Variants in SRC observed in about 807,000 individuals in gnomAD.
The protein encoded by SRC is SRC proto-oncogene, non-receptor tyrosine kinase, also known as proto-oncogene tyrosine-protein kinase Src.
In SRC, 13 loss-of-function variants were observed where a neutral mutation model predicts 62.9. That is an observed-to-expected ratio of 0.21 (90% CI 0.13 to 0.33). SRC has a LOEUF of 0.33. Among genes scored for constraint, SRC ranks in the 10% least tolerant of loss-of-function variants. SRC has a pLI of 1.00. For missense variants in SRC, 457 were observed against 737.3 expected (o/e 0.62, Z 4.40); for synonymous variants, 302 against 317.5 (o/e 0.95, Z 0.52).
Position 37,396,094 on chromosome 20 carries a change from G to T in SRC, c.554-68G>T. ...CTCCAATGTCAGGCAGGCACAGAAC[G>T]GTGTCCAGAGCAGCGGCCTGCGGGG... On this transcript the variant is annotated intron_variant, in intron 7 of 13. Coordinates refer to ENST00000373578, the MANE Select transcript of SRC (RefSeq NM_198291.3). The surrounding 1 kb of genome is among the most constrained non-coding windows in gnomAD (Gnocchi z 6.1). 1.9e-6 allele frequency: 3 copies of T among 1,572,282 alleles called. No homozygotes were observed. The highest frequency in any genetic ancestry group is 1.1e-5 in the South Asian group (1 of 86,978).
At chr20:37,393,770 C>T (rs2070591895) in intron 5 of SRC, 125 bp from the exon 6 acceptor site, 2 of 685,232 alleles carry the variant, frequency 2.9e-6, no homozygotes, top group Non-Finnish European at 2.5e-6. Flanking sequence ...ACGCTGGCCC[C>T]ACCACCTCCC....
Position 37,403,367 on chromosome 20 carries a change from G to A in SRC, c.1599G>A (p.Gly533=), listed in dbSNP as rs781038506. 3.7e-6 allele frequency: 6 copies of A among 1,602,982 alleles called. No homozygotes were observed. Among genetic ancestry groups the A allele is most frequent in the East Asian group, 2.2e-5 (1 of 44,596 alleles). ...FTSTEPQYQP[G]ENL is the part of the protein sequence containing the mutation. ...CCACCGAGCCCCAGTACCAGCCCGGGGAGAACCTCTAGGCACAGGCGGGCC... is the reference window on the plus strand; with the variant it reads ...CCACCGAGCCCCAGTACCAGCCCGGAGAGAACCTCTAGGCACAGGCGGGCC... Residue 533 remains glycine, a synonymous_variant, in exon 14 of 14, where the codon GGG becomes GGA. Transcript: ENST00000373578. The surrounding 1 kb of genome is among the most constrained non-coding windows in gnomAD (Gnocchi z 7.1).
At chr20:37,350,443 G>A (rs1049032755) in intron 1 of SRC, among the ~76,000 whole-genome samples, 4 of 152,212 alleles carry the variant, frequency 2.6e-5, no homozygotes, top group Admixed American at 6.5e-5. Context: ...TACCTGGTAA[G>A]GCTAACAAGA....
rs575291811 is a variant in SRC, at chr20:37,396,074, A to G, written c.554-88A>G. 56 of 1,534,112 alleles carry G rather than the reference A, an allele frequency of 3.7e-5. 1 individual carries two copies. In the South Asian group the frequency reaches 6.0e-4, roughly 16 times the overall value. ...CCCGCCTGGGCCTCCCTTCCCTCCAATGTCAGGCAGGCACAGAACGGTGTC... is the reference window on the plus strand; with the variant it reads ...CCCGCCTGGGCCTCCCTTCCCTCCAGTGTCAGGCAGGCACAGAACGGTGTC... On this transcript the variant is annotated intron_variant, in intron 7 of 13. Coordinates refer to ENST00000373578, the MANE Select transcript of SRC (RefSeq NM_198291.3). The surrounding 1 kb of genome is among the most constrained non-coding windows in gnomAD (Gnocchi z 6.1).
chr20:37,380,798 C>T (rs1227072470), intron 2 of SRC, among the ~76,000 whole-genome samples: 2 of 152,132 alleles, frequency 1.3e-5, no homozygotes, highest in Non-Finnish European at 2.9e-5. Flanking sequence ...AGGAAACGCA[C>T]CACCACACCC....
At chr20:37,393,715 G>T in intron 5 of SRC, 180 bp from the exon 6 acceptor site, 3 of 577,546 alleles carry the variant, frequency 5.2e-6, no homozygotes, top group Non-Finnish European at 6.2e-6. Flanking sequence ...CGCCAGGGAG[G>T]GGAGGAGTTC....
chr20:37,367,540 ATGT>A (rs1329647470), intron 2 of SRC, among the ~76,000 whole-genome samples: 8 of 150,048 alleles, frequency 5.3e-5, no homozygotes, highest in Non-Finnish European at 1.0e-4. Flanking sequence ...GGGTCTCACT[ATGT>A]TGCCCAGGCT....
rs1365573309 is a variant in SRC, at chr20:37,351,878, C to G, written c.-247+5623C>G. 6.6e-6 allele frequency among the ~76,000 whole-genome samples: 1 copy of G among 152,228 alleles called. No homozygotes were observed. Among genetic ancestry groups the G allele is most frequent in the East Asian group, 1.9e-4 (1 of 5,174 alleles). On this transcript the variant is annotated intron_variant, in intron 1 of 13. Coordinates refer to ENST00000373578, the MANE Select transcript of SRC (RefSeq NM_198291.3). This position sits in a 1 kb window ranked among gnomAD's most constrained non-coding sequence, Gnocchi z 4.4. ...CTGAGTAATTTGTGGGGATCTGATT[C>G]TTATTAAGTGTGTACCCAACGTGGC...
chr20:37,386,726 A>T (rs553883200), intron 5 of SRC, among the ~76,000 whole-genome samples: 80 of 150,864 alleles, frequency 5.3e-4, no homozygotes, highest in East Asian at 4.3e-3. Flanking sequence ...CTACTCACTC[A>T]CCCTCCCATT....
chr20:37,392,893 C>A (rs1423991087), intron 5 of SRC, among the ~76,000 whole-genome samples: 1 of 152,138 alleles, frequency 6.6e-6, no homozygotes, highest in East Asian at 1.9e-4. Context: ...TGCCACTCTC[C>A]GCCTCTCACC....
intron 1 of SRC, among the ~76,000 whole-genome samples, chr20:37,346,787 T>C (rs2069729535): frequency 6.6e-6 from 1 of 152,172 alleles, no homozygotes; most frequent in African/African-American, 2.4e-5. Flanking sequence ...GCTGCCGGCC[T>C]GGAAGGGACT....
intron 5 of SRC, among the ~76,000 whole-genome samples, chr20:37,390,205 C>T (rs2070524116): frequency 6.6e-6 from 1 of 152,168 alleles, no homozygotes. Context: ...GAAACTAAGA[C>T]TCAGAGAGGG....
Position 37,398,546 on chromosome 20 carries a change from G to A in SRC, c.859+692G>A, listed in dbSNP as rs1423176914. ...CTCCACTCACTCCCACTGCCTCCAC[G>A]TTCCGCCCTCCAGAGGGCTGATGGA... On this transcript the variant is annotated intron_variant, in intron 9 of 13. Transcript: ENST00000373578. The surrounding 1 kb of genome is among the most constrained non-coding windows in gnomAD (Gnocchi z 5.2). Among the ~76,000 whole-genome samples the A allele has an allele frequency of 1.3e-5, 2 of 152,222 alleles. No homozygotes were observed. The highest frequency in any genetic ancestry group is 2.4e-5 in the African/African-American group (1 of 41,462).
chr20:37,402,166 C>A lies in SRC; in HGVS notation c.1117-269C>A, dbSNP rs1364377458. On this transcript the variant is annotated intron_variant, in intron 11 of 13. Coordinates refer to ENST00000373578, the MANE Select transcript of SRC (RefSeq NM_198291.3). This position sits in a 1 kb window ranked among gnomAD's most constrained non-coding sequence, Gnocchi z 6.2. Reference sequence around the variant, plus strand: ...GTCCGCTGGGGCCTCTTTCCCTGGTCACCTCGCTTTCCTGGCTGCATCGGA... The same window carrying A: ...GTCCGCTGGGGCCTCTTTCCCTGGTAACCTCGCTTTCCTGGCTGCATCGGA... 2.3e-6 allele frequency: 1 copy of A among 429,896 alleles called. No homozygotes were observed. The highest frequency in any genetic ancestry group is 4.2e-6 in the Non-Finnish European group (1 of 240,816). 26.6% of individuals were successfully genotyped at this position (429,896 alleles called of 1,614,324 possible). A position where few individuals can be genotyped will look rare whatever the true frequency, so the allele number is the denominator to read the frequency against.
At chr20:37,388,821 G>A (rs1288211770) in intron 5 of SRC, among the ~76,000 whole-genome samples, 1 of 152,028 alleles carries the variant, frequency 6.6e-6, no homozygotes, top group Non-Finnish European at 1.5e-5. Flanking sequence ...AAGGGATTTG[G>A]GGGGCGGGGC....
intron 1 of SRC, among the ~76,000 whole-genome samples, chr20:37,352,342 C>T (rs8117415): frequency 0.24 from 35,860 of 152,194 alleles, 4,809 homozygotes; most frequent in African/African-American, 0.34. Flanking sequence ...TGCAGGCCAA[C>T]TGATCCGGAA....
Position 37,384,929 on chromosome 20 carries a change from C to T in SRC, c.250+526C>T, listed in dbSNP as rs968595783. 6.6e-5 allele frequency among the ~76,000 whole-genome samples: 10 copies of T among 152,190 alleles called. No individual in the cohort carries two copies. Among genetic ancestry groups the T allele is most frequent in the African/African-American group, 2.4e-4 (10 of 41,450 alleles). The stretch of plus-strand genomic sequence containing the variant: ...TGGAGAGCCGCGGCGGTGCCCCAGA[C>T]ACTCCACGCAGACTTCACTCCTTCA... On this transcript the variant is annotated intron_variant, in intron 4 of 13. Transcript: ENST00000373578. The surrounding 1 kb of genome is among the most constrained non-coding windows in gnomAD (Gnocchi z 6.7).
intron 1 of SRC, among the ~76,000 whole-genome samples, chr20:37,353,490 C>T (rs1354020322): frequency 6.6e-6 from 1 of 152,150 alleles, no homozygotes; most frequent in Admixed American, 6.5e-5. Flanking sequence ...GAGGACCAGA[C>T]ACGCCCGGGA....
At chr20:37,348,709 C>T (rs751581898) in intron 1 of SRC, among the ~76,000 whole-genome samples, 3 of 152,126 alleles carry the variant, frequency 2.0e-5, no homozygotes, top group East Asian at 1.9e-4. Flanking sequence ...CTTGGCCTCC[C>T]AGAAGTTTGA....
Sources: gnomAD v4.1 joint callset for allele counts (sites outside exome capture counted in the v4.1 genomes callset) on GRCh38, gnomAD v4.1.1 for gene constraint, Gnocchi (gnomAD v3.1) non-coding constraint, MANE v1.5 for transcripts, NCBI Gene and HGNC (gene_info 2026-07-23, HGNC 2026-07-21) for gene names.